BTBD9: variants seen among roughly 807,000 people sequenced by gnomAD.
BTBD9 encodes the protein BTB domain containing 9.
A neutral mutation model predicts 64.3 loss-of-function variants in BTBD9; 49 were observed. The ratio of observed to expected loss-of-function variants is 0.76; its 90% CI spans 0.61 to 0.97. The LOEUF (loss-of-function observed/expected upper bound fraction) is 0.97, where lower values mean the gene tolerates loss of function less well. Among genes scored for constraint, BTBD9 ranks in the 50% least tolerant of loss-of-function variants. The pLI is 0.00. For missense variants in BTBD9, 598 were observed against 762.1 expected, an observed-to-expected ratio of 0.78 and a Z score of 2.53; for synonymous variants, 260 against 274.7, an observed-to-expected ratio of 0.95 and a Z score of 0.53.
chr6:38,595,752 T>C (rs568286805), intron 2 of BTBD9: 11 of 984,738 alleles, frequency 1.1e-5, no homozygotes, highest in African/African-American at 1.7e-5. Flanking sequence ...AAAAGATTCA[T>C]GAATATTCTG....
At chr6:38,614,450 C>T in intron 1 of BTBD9, among the ~76,000 whole-genome samples, 1 of 152,168 alleles carries the variant, frequency 6.6e-6, no homozygotes, top group Non-Finnish European at 1.5e-5. Flanking sequence ...CCAAAATTAA[C>T]AAAAGAGGCC....
chr6:38,363,369 G>T (rs1462118755), intron 6 of BTBD9, among the ~76,000 whole-genome samples: 1 of 152,204 alleles, frequency 6.6e-6, no homozygotes, highest in East Asian at 1.9e-4. Context: ...AACAGCCCTG[G>T]CAACATAGTG....
chr6:38,549,767 C>T (rs1774713482), intron 6 of BTBD9, among the ~76,000 whole-genome samples: 1 of 152,150 alleles, frequency 6.6e-6, no homozygotes, highest in African/African-American at 2.4e-5. Flanking sequence ...CCCAGTCCCT[C>T]TCTCCATTTT....
At chr6:38,459,912 T>C (rs558450417) in intron 6 of BTBD9, among the ~76,000 whole-genome samples, 2 of 152,356 alleles carry the variant, frequency 1.3e-5, no homozygotes, top group African/African-American at 4.8e-5. Context: ...CCAGAATTGA[T>C]TTGTCTACCG....
At chr6:38,210,536 T>TTGTGTGTGTGTGTGTGTGTGTG (rs71542165) in intron 9 of BTBD9, among the ~76,000 whole-genome samples, 21 of 146,454 alleles carry the variant, frequency 1.4e-4, no homozygotes, top group African/African-American at 5.4e-4. Context: ...GTGCGTGTGT[T>TTGTGTGTGTGTGTGTGTGTGTG]TGTGTGTGTG....
chr6:38,620,687 A>G (rs1157922992), intron 1 of BTBD9, among the ~76,000 whole-genome samples: 1 of 152,212 alleles, frequency 6.6e-6, no homozygotes, highest in East Asian at 1.9e-4. Context: ...AAGCTTAGCC[A>G]GAGTAACCAG....
At chr6:38,588,110 C>T (rs1776625153) in intron 4 of BTBD9, 8 of 736,040 alleles carry the variant, frequency 1.1e-5, no homozygotes, top group Non-Finnish European at 2.0e-5. Flanking sequence ...ACCGTGTCTG[C>T]GGGCTCTACC....
At chr6:38,374,852 T>C (rs1477933518) in intron 6 of BTBD9, among the ~76,000 whole-genome samples, 1 of 152,116 alleles carries the variant, frequency 6.6e-6, no homozygotes, top group Admixed American at 6.5e-5. Context: ...TGGCAAGGAA[T>C]TGGAGTCAGA....
At chr6:38,551,075 C>T (rs569651081) in intron 6 of BTBD9, among the ~76,000 whole-genome samples, 2 of 152,294 alleles carry the variant, frequency 1.3e-5, no homozygotes, top group South Asian at 2.1e-4. Context: ...TATAATGAGG[C>T]CTTGCCTATT....
chr6:38,369,103 C>T (rs1201331055), intron 6 of BTBD9, among the ~76,000 whole-genome samples: 1 of 152,140 alleles, frequency 6.6e-6, no homozygotes, highest in Non-Finnish European at 1.5e-5. Context: ...ATCAACAAGT[C>T]CTTCCCACTG....
intron 9 of BTBD9, among the ~76,000 whole-genome samples, chr6:38,246,451 C>A (rs545453324): frequency 5.6e-4 from 83 of 148,426 alleles, no homozygotes; most frequent in African/African-American, 1.7e-3. Context: ...ACTTGGCGCA[C>A]GTGCACGTAC....
chr6:38,365,182 GT>G (rs1485426787), intron 6 of BTBD9, among the ~76,000 whole-genome samples: 1 of 152,146 alleles, frequency 6.6e-6, no homozygotes, highest in East Asian at 1.9e-4. Context: ...CACCTTACCT[GT>G]TTTCACTCAT....
At chr6:38,593,393 C>T (rs1776896131) in intron 3 of BTBD9, among the ~76,000 whole-genome samples, 1 of 152,110 alleles carries the variant, frequency 6.6e-6, no homozygotes, top group Non-Finnish European at 1.5e-5. Flanking sequence ...TGTAGCTTTT[C>T]AATAGATTTT....
chr6:38,463,428 T>C (rs1052324288), intron 6 of BTBD9, among the ~76,000 whole-genome samples: 6 of 152,232 alleles, frequency 3.9e-5, no homozygotes, highest in South Asian at 2.1e-4. Context: ...ATGGAAGACA[T>C]GAAAGTGGAT....
chr6:38,218,629 C>A (rs62397008), intron 9 of BTBD9, among the ~76,000 whole-genome samples: 6,430 of 152,308 alleles, frequency 0.042, 186 homozygotes, highest in Non-Finnish European at 0.063. Context: ...CAGGCCCTGA[C>A]TTTCCTGGTC....
At chr6:38,230,605 C>G (rs571450686) in intron 9 of BTBD9, among the ~76,000 whole-genome samples, 19 of 151,744 alleles carry the variant, frequency 1.3e-4, no homozygotes, top group Admixed American at 3.3e-4. Flanking sequence ...ACACTACTTA[C>G]CAAACCTAAA....
At chr6:38,256,363 G>C (rs1764578304) in intron 9 of BTBD9, 46 bp downstream of exon 9, 1 of 1,408,176 alleles carries the variant, frequency 7.1e-7, no homozygotes, top group Non-Finnish European at 1.0e-6. Flanking sequence ...CCACTGGGAA[G>C]ACTGTCTTTT....
At chr6:38,292,848 T>G (rs9380729) in intron 7 of BTBD9, among the ~76,000 whole-genome samples, 9,472 of 152,220 alleles carry the variant, frequency 0.062, 811 homozygotes, top group East Asian at 0.39. Flanking sequence ...AGTTATTTCT[T>G]GTCTTCTGCG....
At chr6:38,573,647 T>G (rs1775887986) in intron 6 of BTBD9, among the ~76,000 whole-genome samples, 1 of 152,170 alleles carries the variant, frequency 6.6e-6, no homozygotes, top group Non-Finnish European at 1.5e-5. Flanking sequence ...TAGACCAAGA[T>G]CCCACTTGCA....
Sources: gnomAD v4.1 joint callset for allele counts (sites outside exome capture counted in the v4.1 genomes callset) on GRCh38, gnomAD v4.1.1 for gene constraint, MANE v1.5 for transcripts, NCBI Gene and HGNC (gene_info 2026-07-23, HGNC 2026-07-21) for gene names.